The following ITIH6 variants were observed in gnomAD, a reference collection of about 807,000 sequenced individuals.
The protein encoded by ITIH6 is inter-alpha-trypsin inhibitor heavy chain H6.
ITIH6 carries 60 observed loss-of-function variants against 58.2 expected under a neutral mutation model. The ratio of observed to expected loss-of-function variants is 1.03; its 90% CI spans 0.84 to 1.28. ITIH6 has a LOEUF of 1.28. Ranked by LOEUF, ITIH6 falls within the 50% of genes most tolerant of loss-of-function variation. The probability of loss-of-function intolerance (pLI) is 0.00; values close to 1 mark genes in which losing one functional copy is unlikely to be tolerated. For synonymous variants in ITIH6, 493 were observed against 417.4 expected, an observed-to-expected ratio of 1.18 and a Z score of -2.21; for missense variants, 1,290 against 1,021.1, an observed-to-expected ratio of 1.26 and a Z score of -3.59.
chrX:54,765,587 T>A (rs780953277), intron 6 of ITIH6, among the ~76,000 whole-genome samples: 13 of 103,365 alleles, frequency 1.3e-4, no homozygotes, highest in Non-Finnish European at 3.9e-5. Context: ...GCGGCATTAT[T>A]TCTTTTCTTT....
intron 1 of ITIH6, among the ~76,000 whole-genome samples, 179 bp downstream of exon 1, chrX:54,797,930 A>C (rs1929472347): frequency 9.0e-6 from 1 of 111,454 alleles, no homozygotes; most frequent in African/African-American, 3.3e-5. Flanking sequence ...TGAAATAATA[A>C]TTCTGGGACC....
chrX:54,771,659 A>G (rs1164635583), intron 6 of ITIH6, among the ~76,000 whole-genome samples: 2 of 112,068 alleles, frequency 1.8e-5, no homozygotes, highest in Non-Finnish European at 3.8e-5. Flanking sequence ...GGTTTGACCC[A>G]TTAAAAAATT....
intron 6 of ITIH6, among the ~76,000 whole-genome samples, chrX:54,763,283 G>A (rs1928692884): frequency 9.0e-6 from 1 of 111,248 alleles, no homozygotes; most frequent in Non-Finnish European, 1.9e-5. Context: ...TCTGGGACAG[G>A]GAGCTAAGCA....
intron 6 of ITIH6, among the ~76,000 whole-genome samples, chrX:54,766,919 G>T (rs1301953177): frequency 2.8e-5 from 3 of 107,269 alleles, no homozygotes; most frequent in Non-Finnish European, 3.8e-5. Flanking sequence ...GAGTTAGGGA[G>T]GATTCCCTCT....
rs1238834799 is a variant in ITIH6 at position 54,758,921 on chromosome X, T to C, written c.1153A>G (p.Ser385Gly). 2 of 1,207,258 alleles carry C rather than the reference T, an allele frequency of 1.7e-6. No individual in the cohort carries two copies. Among genetic ancestry groups the C allele is most frequent in the South Asian group, 1.8e-5 (1 of 56,137 alleles). The change falls in exon 8 of 13, where the codon AGT (serine) becomes GGT (glycine). Residue 385 changes from serine to glycine, a missense_variant. By Grantham distance (56) the Ser-to-Gly change is moderately conservative. Coordinates refer to ENST00000218436, the MANE Select transcript of ITIH6 (RefSeq NM_198510.3). Reference sequence around the variant, plus strand: ...ATGATAAGAGGGATCCTCCCCACACTGGGGCCCCTCCCAGGCTCCTGGTTG... The same window carrying C: ...ATGATAAGAGGGATCCTCCCCACACCGGGGCCCCTCCCAGGCTCCTGGTTG... ...HSNQEPGRGPSVGRIPLIIFL... is the reference protein window; with the variant it reads ...HSNQEPGRGPGVGRIPLIIFL...
chrX:54,788,645 C>A lies in ITIH6; in HGVS notation c.621G>T (p.Glu207Asp). 8.3e-7 allele frequency: 1 copy of A among 1,207,471 alleles called. No homozygotes were observed. Among genetic ancestry groups the A allele is most frequent in the Non-Finnish European group, 1.1e-6 (1 of 892,103 alleles). ...GRLRTNAHASEVDSPPSTRIE... is the reference protein window; with the variant it reads ...GRLRTNAHASDVDSPPSTRIE... Reference sequence around the variant, plus strand: ...TCCTGGTGGATGGGGGTGAATCCACCTCACCTGTATGGGTGGGGAGGATCG... The same window carrying A: ...TCCTGGTGGATGGGGGTGAATCCACATCACCTGTATGGGTGGGGAGGATCG... The change falls in exon 5 of 13, where the codon GAG (glutamate) becomes GAT (aspartate). Residue 207 changes from glutamate (E) to aspartate (D), a missense_variant. Coordinates refer to ENST00000218436, the MANE Select transcript of ITIH6 (RefSeq NM_198510.3).
At chrX:54,796,288 T>A (rs2147623293) in intron 2 of ITIH6, among the ~76,000 whole-genome samples, 1 of 112,461 alleles carries the variant, frequency 8.9e-6, no homozygotes, top group Non-Finnish European at 1.9e-5. Context: ...CACCAGGAAA[T>A]GTTTGTTTAA....
intron 2 of ITIH6, among the ~76,000 whole-genome samples, chrX:54,792,806 T>A (rs978442094): frequency 1.8e-5 from 2 of 112,080 alleles, no homozygotes; most frequent in African/African-American, 6.5e-5. Context: ...GAAAGGGTCC[T>A]AGAGAAGGTA....
At position 54,749,625 on chromosome X, in the gene ITIH6, A is replaced by C. The variant is rs193262491; in HGVS notation, c.*270T>G. On this transcript the variant is annotated 3_prime_UTR_variant, in exon 13 of 13. Transcript: ENST00000218436. ...ACTGATCATTTTTTCGTTTTACAAA[A>C]GTGGCTTGTAGGGCTGGTGAGGAGC... 64 of 300,104 alleles carry C rather than the reference A, an allele frequency of 2.1e-4. No individual in the cohort carries two copies. Among genetic ancestry groups the C allele is most frequent in the African/African-American group, 1.7e-3 (63 of 36,615 alleles). The allele number at this position is 300,104 out of a possible 1,213,427, so 24.7% of individuals were successfully genotyped here. A position where few individuals can be genotyped will look rare whatever the true frequency, so the allele number is the denominator to read the frequency against.
chrX:54,755,488 A>T (rs1928467356), intron 8 of ITIH6, among the ~76,000 whole-genome samples: 1 of 111,331 alleles, frequency 9.0e-6, no homozygotes, highest in South Asian at 3.8e-4. Context: ...GGAAAAAAAT[A>T]ATGAGGTGAC....
Position 54,758,010 on chromosome X carries a change from CT to C in ITIH6, c.2063del (p.Glu688GlyfsTer52), listed in dbSNP as rs766679801. The C allele has an allele frequency of 9.4e-5, 114 of 1,209,858 alleles. No homozygotes were observed. Among genetic ancestry groups the C allele is most frequent in the Non-Finnish European group, 1.2e-4 (108 of 895,058 alleles). On this transcript the variant is annotated frameshift_variant, in exon 8 of 13. Transcript: ENST00000218436. LOFTEE classifies it high-confidence loss of function. Reference sequence around the variant, plus strand: ...GGGTATGAGGGCTCTCTCCCAATGGCTCCAGCTCTTTGGAACTTAGCATCTT... The same window carrying C: ...GGGTATGAGGGCTCTCTCCCAATGGCCCAGCTCTTTGGAACTTAGCATCTT... Reference protein sequence around the residue: ...TKKMLSSKELEPLGESPHTLS... With the variant: ...TKKMLSSKELXPLGESPHTLS...
intron 5 of ITIH6, among the ~76,000 whole-genome samples, chrX:54,785,925 G>T (rs1929234467): frequency 9.0e-6 from 1 of 110,897 alleles, no homozygotes; most frequent in African/African-American, 3.3e-5. Flanking sequence ...ACCTCCCTTT[G>T]TCACTTGGCT....
Position 54,789,430 on chromosome X carries a change from G to T in ITIH6, c.617-781C>A, listed in dbSNP as rs745420402. On this transcript the variant is annotated intron_variant, in intron 4 of 12. Transcript: ENST00000218436. ...CACACTGAGCCCCATACTCTCTGAG[G>T]CGCCTGCTCACATACATTCCCTTGG... is the stretch of plus-strand genomic sequence containing the variant. Among the ~76,000 whole-genome samples, 139 of 112,081 alleles carry T rather than the reference G, an allele frequency of 1.2e-3. 1 individual carries two copies. Among genetic ancestry groups the T allele is most frequent in the African/African-American group, 4.0e-3 (122 of 30,867 alleles).
intron 5 of ITIH6, chrX:54,787,243 C>T (rs1929258888): frequency 8.9e-6 from 1 of 112,407 alleles, no homozygotes; most frequent in Non-Finnish European, 1.9e-5. Flanking sequence ...ACAGACTGAG[C>T]CACACCTCTG....
At position 54,791,084 on chromosome X, in the gene ITIH6, C is replaced by T; in HGVS notation, c.369G>A (p.Arg123=). ...TGCGGAACTTCTCTGATTCCCGGTC[C>T]CTGGGCAGGAAAGGGAGGATGGTGG... ...QGKTAAHVGI[R]DRESEKFRIS... Residue 123 remains arginine, a splice_region_variant and synonymous_variant, in exon 4 of 13, where the codon AGG becomes AGA. Transcript: ENST00000218436. 1 of 1,210,296 alleles carries T rather than the reference C, an allele frequency of 8.3e-7. No homozygotes were observed.
intron 6 of ITIH6, among the ~76,000 whole-genome samples, chrX:54,768,974 T>A (rs1237671610): frequency 9.1e-6 from 1 of 109,558 alleles, no homozygotes; most frequent in Non-Finnish European, 1.9e-5. Context: ...TGCAGAGTGT[T>A]TTCCAACTTG....
Position 54,757,755 on chromosome X carries a change from A to G in ITIH6, c.2319T>C (p.Ala773=). 8.3e-7 allele frequency: 1 copy of G among 1,211,719 alleles called. No homozygotes were observed. Among genetic ancestry groups the G allele is most frequent in the Non-Finnish European group, 1.1e-6 (1 of 895,513 alleles). ...GTGGAGTAACACATTTCACAGTGTC[A>G]GCTTTGGGCGAGGCTGGGATGCCAG... ...VKPGIPASPK[A]DTVKCVTPLH... Residue 773 remains alanine, a synonymous_variant, in exon 8 of 13, where the codon GCT becomes GCC. Transcript: ENST00000218436.
At chrX:54,763,915 T>G (rs1928710526) in intron 6 of ITIH6, among the ~76,000 whole-genome samples, 1 of 112,467 alleles carries the variant, frequency 8.9e-6, no homozygotes, top group Non-Finnish European at 1.9e-5. Context: ...ACCATTATAT[T>G]TGTTTTATTG....
At chrX:54,750,263 G>A (rs1456661295) in intron 12 of ITIH6, among the ~76,000 whole-genome samples, 157 bp from the exon 13 acceptor site, 1 of 111,380 alleles carries the variant, frequency 9.0e-6, no homozygotes, top group Non-Finnish European at 1.9e-5. Flanking sequence ...TGTGGGAACT[G>A]TACAGGAGCC....
Sources: gnomAD v4.1 joint callset for allele counts (sites outside exome capture counted in the v4.1 genomes callset) on GRCh38, gnomAD v4.1.1 for gene constraint, MANE v1.5 for transcripts, NCBI Gene and HGNC (gene_info 2026-07-23, HGNC 2026-07-21) for gene names.